IGF2BP3: variants seen among roughly 807,000 people sequenced by gnomAD.
IGF2BP3 encodes the protein insulin like growth factor 2 mRNA binding protein 3.
A neutral mutation model predicts 73.8 loss-of-function variants in IGF2BP3; 9 were observed. The observed-to-expected ratio is 0.12, with a 90% CI of 0.07 to 0.21. IGF2BP3 has a LOEUF of 0.21. IGF2BP3 is among the 10% of genes least tolerant of loss of function. The pLI is 1.00. For missense variants in IGF2BP3, 542 were observed against 714.0 expected, an observed-to-expected ratio of 0.76 and a Z score of 2.75; for synonymous variants, 258 against 256.7, an observed-to-expected ratio of 1.01 and a Z score of -0.05.
At chr7:23,369,172 G>T (rs1018042364) in intron 3 of IGF2BP3, among the ~76,000 whole-genome samples, 1 of 152,058 alleles carries the variant, frequency 6.6e-6, no homozygotes, top group African/African-American at 2.4e-5. Context: ...TCCCCAGGTT[G>T]CAAGTTCTGT....
intron 2 of IGF2BP3, among the ~76,000 whole-genome samples, chr7:23,448,691 C>T (rs770870337): frequency 1.3e-5 from 2 of 152,092 alleles, no homozygotes; most frequent in Non-Finnish European, 2.9e-5. Flanking sequence ...AGTGCAGTAA[C>T]CTGATCTCAG....
intron 10 of IGF2BP3, among the ~76,000 whole-genome samples, chr7:23,328,161 C>G (rs938936615): frequency 1.3e-5 from 2 of 152,134 alleles, no homozygotes; most frequent in Non-Finnish European, 2.9e-5. Flanking sequence ...AGAAAAATCT[C>G]AACTACTATC....
chr7:23,338,976 G>A (rs896052230), intron 10 of IGF2BP3, among the ~76,000 whole-genome samples: 1 of 152,226 alleles, frequency 6.6e-6, no homozygotes, highest in Non-Finnish European at 1.5e-5. Context: ...CTGGAATTCT[G>A]CAAAGAACAC....
chr7:23,451,691 G>A (rs1788201931), intron 2 of IGF2BP3, among the ~76,000 whole-genome samples: 1 of 152,046 alleles, frequency 6.6e-6, no homozygotes, highest in Non-Finnish European at 1.5e-5. Flanking sequence ...GCTCACGCCT[G>A]TATTCACAAC....
intron 8 of IGF2BP3, among the ~76,000 whole-genome samples, chr7:23,344,388 TA>T (rs1784783393): frequency 6.6e-6 from 1 of 152,258 alleles, no homozygotes; most frequent in Non-Finnish European, 1.5e-5. Flanking sequence ...ACTTAGTTTT[TA>T]CCAGTTTCTT....
chr7:23,352,988 A>G (rs1422068270), intron 5 of IGF2BP3, among the ~76,000 whole-genome samples: 1 of 152,144 alleles, frequency 6.6e-6, no homozygotes, highest in Middle Eastern at 3.2e-3. Context: ...AAGGGAAAAT[A>G]ATAAACTAGT....
intron 2 of IGF2BP3, among the ~76,000 whole-genome samples, chr7:23,419,447 T>G (rs562520862): frequency 1.3e-5 from 2 of 152,262 alleles, no homozygotes; most frequent in Non-Finnish European, 2.9e-5. Context: ...GATGTGTTGC[T>G]AGAACTTGTT....
At chr7:23,437,552 A>C (rs759265028) in intron 2 of IGF2BP3, among the ~76,000 whole-genome samples, 1 of 152,040 alleles carries the variant, frequency 6.6e-6, no homozygotes, top group Non-Finnish European at 1.5e-5. Context: ...CTTAAATGAA[A>C]TCCTTTGTTA....
intron 10 of IGF2BP3, among the ~76,000 whole-genome samples, chr7:23,334,548 C>A (rs929839198): frequency 2.0e-5 from 3 of 152,188 alleles, no homozygotes; most frequent in Admixed American, 6.5e-5. Context: ...GTTACACATT[C>A]CTTCCATTTA....
intron 3 of IGF2BP3, among the ~76,000 whole-genome samples, chr7:23,391,526 T>G (rs1786278288): frequency 6.6e-6 from 1 of 152,170 alleles, no homozygotes; most frequent in South Asian, 2.1e-4. Flanking sequence ...ACACTCAGAC[T>G]TTCTGATCTA....
At chr7:23,352,020 T>C (rs274059) in intron 5 of IGF2BP3, among the ~76,000 whole-genome samples, 19,048 of 152,168 alleles carry the variant, frequency 0.13, 2,997 homozygotes, top group African/African-American at 0.37. Context: ...AAATATATAC[T>C]TCCTTCACTT....
Position 23,312,669 on chromosome 7 carries a change from G to A in IGF2BP3, c.1641+66C>T, listed in dbSNP as rs1583867668. 186 of 1,130,170 alleles carry A rather than the reference G, an allele frequency of 1.6e-4. No homozygotes were observed. The South Asian group carries it at 2.0e-3, about 12-fold the overall frequency. The allele number at this position is 1,130,170 out of a possible 1,614,324, so 70.0% of individuals were successfully genotyped here. A position where few individuals can be genotyped will look rare whatever the true frequency, so the allele number is the denominator to read the frequency against. On this transcript the variant is annotated intron_variant, in intron 14 of 14. Coordinates refer to ENST00000258729, the MANE Select transcript of IGF2BP3 (RefSeq NM_006547.3). ...AACCTTAACTAATTCTATCAGGTAG[G>A]AGCACCTGTGGGAGAATTGCTTCCA...
chr7:23,389,811 T>C (rs1421722526), intron 3 of IGF2BP3, among the ~76,000 whole-genome samples: 2 of 127,018 alleles, frequency 1.6e-5, no homozygotes, highest in Non-Finnish European at 3.2e-5. Flanking sequence ...CTGGGCAACA[T>C]AGCGAGATCC....
At chr7:23,406,111 G>A (rs1322916267) in intron 3 of IGF2BP3, among the ~76,000 whole-genome samples, 2 of 151,490 alleles carry the variant, frequency 1.3e-5, no homozygotes, top group Non-Finnish European at 2.9e-5. Flanking sequence ...TACGAAACCA[G>A]TCCCTGGTGC....
At chr7:23,445,506 T>C (rs968501138) in intron 2 of IGF2BP3, among the ~76,000 whole-genome samples, 4 of 152,156 alleles carry the variant, frequency 2.6e-5, no homozygotes, top group Non-Finnish European at 5.9e-5. Flanking sequence ...TATTACTTAG[T>C]ATGACTAAGT....
chr7:23,380,030 G>A (rs1338101280), intron 3 of IGF2BP3, among the ~76,000 whole-genome samples: 5 of 151,998 alleles, frequency 3.3e-5, no homozygotes, highest in Admixed American at 6.6e-5. Context: ...TGGGAAAGTC[G>A]TAACTTGGTA....
At chr7:23,430,408 C>T (rs914079214) in intron 2 of IGF2BP3, among the ~76,000 whole-genome samples, 3 of 152,252 alleles carry the variant, frequency 2.0e-5, no homozygotes, top group South Asian at 2.1e-4. Flanking sequence ...ACACAAGGTT[C>T]GGATTTGGAC....
chr7:23,334,857 GAC>G (rs1784532312), intron 10 of IGF2BP3, among the ~76,000 whole-genome samples: 2 of 152,188 alleles, frequency 1.3e-5, no homozygotes, highest in South Asian at 4.2e-4. Context: ...CTTTGTGGGG[GAC>G]AAAATCTAAG....
intron 3 of IGF2BP3, 96 bp from the exon 4 acceptor site, chr7:23,361,837 G>T: frequency 1.9e-6 from 2 of 1,061,978 alleles, no homozygotes; most frequent in Middle Eastern, 3.0e-4. Context: ...AATTGTGATG[G>T]AAAAGAGCCA....
Sources: gnomAD v4.1 joint callset for allele counts (sites outside exome capture counted in the v4.1 genomes callset) on GRCh38, gnomAD v4.1.1 for gene constraint, MANE v1.5 for transcripts, NCBI Gene and HGNC (gene_info 2026-07-23, HGNC 2026-07-21) for gene names.